The following FHIT variants were observed in gnomAD, a reference collection of about 807,000 sequenced individuals.
FHIT encodes the protein bis(5'-adenosyl)-triphosphatase.
A neutral mutation model predicts 17.9 loss-of-function variants in FHIT; 19 were observed. The ratio of observed to expected loss-of-function variants is 1.06; its 90% CI spans 0.74 to 1.56. FHIT has a LOEUF of 1.56. Ranked by LOEUF, FHIT falls within the 40% of genes most tolerant of loss-of-function variation. The probability of loss-of-function intolerance (pLI) is 0.00; values close to 1 mark genes in which losing one functional copy is unlikely to be tolerated. For synonymous variants in FHIT, 81 were observed against 69.7 expected (o/e 1.16, Z -0.81); for missense variants, 248 against 189.2 (o/e 1.31, Z -1.82).
intron 5 of FHIT, among the ~76,000 whole-genome samples, chr3:60,240,984 T>C (rs746966824): frequency 1.3e-4 from 20 of 151,840 alleles, no homozygotes; most frequent in Non-Finnish European, 2.4e-4. Flanking sequence ...TGGGACCTGT[T>C]AAAAAAAACA....
intron 2 of FHIT, among the ~76,000 whole-genome samples, chr3:61,117,960 T>A (rs1167778061): frequency 6.6e-6 from 1 of 152,158 alleles, no homozygotes; most frequent in Non-Finnish European, 1.5e-5. Flanking sequence ...TTTATACAAA[T>A]CAGATTCTAT....
chr3:60,131,646 T>C (rs1016679651), intron 5 of FHIT, among the ~76,000 whole-genome samples: 9 of 152,100 alleles, frequency 5.9e-5, no homozygotes, highest in Non-Finnish European at 1.3e-4. Context: ...CTCTTTTGCC[T>C]AAGAAGGCCC....
intron 4 of FHIT, among the ~76,000 whole-genome samples, chr3:60,576,422 A>C (rs376682161): frequency 6.6e-6 from 1 of 152,096 alleles, no homozygotes; most frequent in Non-Finnish European, 1.5e-5. Context: ...AAGCAAAAGG[A>C]AAGAAATGCA....
intron 4 of FHIT, among the ~76,000 whole-genome samples, chr3:60,663,000 A>C (rs1250759412): frequency 2.0e-5 from 3 of 151,306 alleles, no homozygotes; most frequent in Non-Finnish European, 4.4e-5. Context: ...GACTTCCTTC[A>C]TTAAGTTGCT....
intron 8 of FHIT, among the ~76,000 whole-genome samples, chr3:59,870,043 T>G (rs1702849332): frequency 6.6e-6 from 1 of 152,166 alleles, no homozygotes; most frequent in Non-Finnish European, 1.5e-5. Context: ...ATCATCTCCA[T>G]TGTATAGCTG....
intron 5 of FHIT, among the ~76,000 whole-genome samples, chr3:60,312,041 T>A (rs185370544): frequency 1.4e-4 from 22 of 152,304 alleles, no homozygotes; most frequent in African/African-American, 4.8e-4. Context: ...ATACAATTTT[T>A]AAAAAAATCT....
chr3:60,123,396 G>A (rs1705346591), intron 5 of FHIT, among the ~76,000 whole-genome samples: 1 of 152,104 alleles, frequency 6.6e-6, no homozygotes, highest in Non-Finnish European at 1.5e-5. Flanking sequence ...TCATTCTAAA[G>A]TCAAAGACAT....
chr3:61,014,808 A>AAAAAAAAAAAAAAAAT (rs1156410696), intron 3 of FHIT, among the ~76,000 whole-genome samples: 10 of 26,976 alleles, frequency 3.7e-4, no homozygotes, highest in African/African-American at 5.8e-4. Flanking sequence ...AAAAAAAAAA[A>AAAAAAAAAAAAAAAAT]TATATATATA....
intron 3 of FHIT, among the ~76,000 whole-genome samples, chr3:61,021,290 C>T (rs2032410430): frequency 1.3e-5 from 2 of 152,196 alleles, no homozygotes; most frequent in African/African-American, 4.8e-5. Flanking sequence ...TAAAACACTC[C>T]TCAGCAAATG....
intron 4 of FHIT, among the ~76,000 whole-genome samples, chr3:60,803,311 G>C (rs1306604253): frequency 6.6e-6 from 1 of 152,118 alleles, no homozygotes; most frequent in Non-Finnish European, 1.5e-5. Flanking sequence ...CCGCCTATAC[G>C]GACAGTCACT....
At chr3:60,401,820 T>C (rs1701668087) in intron 5 of FHIT, among the ~76,000 whole-genome samples, 1 of 152,082 alleles carries the variant, frequency 6.6e-6, no homozygotes, top group African/African-American at 2.4e-5. Flanking sequence ...TTCAAATGAG[T>C]CTTGAAAACA....
At chr3:60,748,336 A>G (rs1553715920) in intron 4 of FHIT, among the ~76,000 whole-genome samples, 1 of 152,190 alleles carries the variant, frequency 6.6e-6, no homozygotes, top group African/African-American at 2.4e-5. Flanking sequence ...TGCATATGGA[A>G]GCTTACAAAA....
At chr3:60,169,251 A>G (rs977480854) in intron 5 of FHIT, among the ~76,000 whole-genome samples, 14 of 152,306 alleles carry the variant, frequency 9.2e-5, no homozygotes, top group African/African-American at 3.1e-4. Context: ...AGAAATTCCA[A>G]TGAAACAAAA....
chr3:59,942,107 G>A (rs949106996), intron 7 of FHIT, among the ~76,000 whole-genome samples: 5 of 151,990 alleles, frequency 3.3e-5, no homozygotes, highest in East Asian at 3.9e-4. Context: ...TATTCACATC[G>A]CCACCCTGAC....
At chr3:60,663,153 G>GTGATATATATATATATATATATATAT (rs57146494) in intron 4 of FHIT, among the ~76,000 whole-genome samples, 5,008 of 77,854 alleles carry the variant, frequency 0.064, 1,319 homozygotes, top group Non-Finnish European at 0.081. Context: ...ATTGGGTGGA[G>GTGATATATATATATATATATATATAT]ATATATATCT....
intron 4 of FHIT, among the ~76,000 whole-genome samples, chr3:60,684,115 T>C (rs969902678): frequency 6.6e-6 from 1 of 152,122 alleles, no homozygotes; most frequent in African/African-American, 2.4e-5. Context: ...CCACAAACTT[T>C]GTGGCTCTCA....
At chr3:60,402,422 C>T (rs138413818) in intron 5 of FHIT, among the ~76,000 whole-genome samples, 51 of 152,286 alleles carry the variant, frequency 3.3e-4, no homozygotes, top group African/African-American at 1.2e-3. Context: ...TTATTATTAT[C>T]AACTCCAGGT....
At chr3:61,225,161 CT>C (rs1453080858) in intron 1 of FHIT, among the ~76,000 whole-genome samples, 1 of 152,182 alleles carries the variant, frequency 6.6e-6, no homozygotes, top group African/African-American at 2.4e-5. Context: ...GAATTGATTC[CT>C]TTTGGCAACA....
At chr3:60,079,427 T>A (rs556333091) in intron 5 of FHIT, among the ~76,000 whole-genome samples, 28 of 152,198 alleles carry the variant, frequency 1.8e-4, no homozygotes, top group African/African-American at 6.7e-4. Context: ...TTATTTTTTT[T>A]ACTTTTAAAA....
Sources: allele counts gnomAD v4.1 joint callset (sites outside exome capture counted in the v4.1 genomes callset), GRCh38; gene constraint gnomAD v4.1.1; transcripts MANE v1.5; gene names NCBI Gene and HGNC (gene_info 2026-07-23, HGNC 2026-07-21).